The following LMF1 variants were observed in gnomAD, a reference collection of about 807,000 sequenced individuals.
The protein encoded by LMF1 is lipase maturation factor 1.
LMF1 carries 68 observed loss-of-function variants against 60.6 expected under a neutral mutation model. The observed-to-expected ratio is 1.12, with a 90% confidence interval of 0.92 to 1.37. The LOEUF (loss-of-function observed/expected upper bound fraction) is 1.37. Among genes scored for constraint, LMF1 ranks in the 40% most tolerant of loss-of-function variants. LMF1 has a pLI of 0.00. For missense variants in LMF1, 948 were observed against 767.2 expected, an observed-to-expected ratio of 1.24 and a Z score of -2.78; for synonymous variants, 418 against 324.7, an observed-to-expected ratio of 1.29 and a Z score of -3.09.
intron 2 of LMF1, among the ~76,000 whole-genome samples, chr16:948,972 C>T (rs1452183464): frequency 2.1e-5 from 2 of 97,348 alleles, no homozygotes; most frequent in Non-Finnish European, 3.8e-5. Context: ...ACGACAGAGT[C>T]AGTCAACGAC....
Position 870,016 on chromosome 16 carries a change from TTGGAGC to T in LMF1, c.1277_1282del (p.Ser426_Ser427del), listed in dbSNP as rs768517162. The T allele has an allele frequency of 1.9e-6, 3 of 1,612,772 alleles. No homozygotes were observed. The South Asian group carries it at 3.3e-5, about 18-fold the overall frequency. ...CCACATGGCATCGGGGGCGCTGGCG[TTGGAGC>T]TGGCTGTGCCCTGCAGGATCACCTC... On this transcript the variant is annotated inframe_deletion, in exon 9 of 11. Transcript: ENST00000262301.
chr16:892,970 C>G, intron 5 of LMF1, 37 bp downstream of exon 5: 1 of 1,493,770 alleles, frequency 6.7e-7, no homozygotes, highest in Non-Finnish European at 9.1e-7. Flanking sequence ...CGGCGTGAGA[C>G]CGGGTGCCCT....
chr16:862,500 T>C (rs7199168), intron 10 of LMF1, among the ~76,000 whole-genome samples: 4,037 of 152,290 alleles, frequency 0.027, 160 homozygotes, highest in African/African-American at 0.084. Flanking sequence ...GGATATTGGC[T>C]TGTAATATTA....
intron 4 of LMF1, among the ~76,000 whole-genome samples, chr16:906,130 T>C (rs1483410505): frequency 6.6e-6 from 1 of 152,244 alleles, no homozygotes; most frequent in Non-Finnish European, 1.5e-5. Context: ...AAGGCTTCTT[T>C]CTCTCAGTTG....
chr16:976,044 TG>T lies in LMF1; in HGVS notation c.-135+5100del, dbSNP rs1389915622. ...CCTCATGAACTCTGAAGGTTGAGCT[TG>T]GAAGGACGGACACAGGTCTTGGCAG... is the stretch of plus-strand genomic sequence containing the variant. On this transcript the variant is annotated intron_variant, in intron 1 of 6. Coordinates refer to the LMF1 transcript ENST00000570014. 2.2e-5 allele frequency: 6 copies of T among 274,934 alleles called. No individual in the cohort carries two copies. The Admixed American group carries it at 2.4e-4, about 11-fold the overall frequency. 17.0% of individuals were successfully genotyped at this position (274,934 alleles called of 1,614,324 possible).
intron 4 of LMF1, among the ~76,000 whole-genome samples, chr16:905,801 G>A (rs927949139): frequency 1.3e-5 from 2 of 151,838 alleles, no homozygotes; most frequent in African/African-American, 4.8e-5. Flanking sequence ...TTCTTTCAGG[G>A]TCTCACTATG....
chr16:894,644 G>A (rs181645846), intron 4 of LMF1, among the ~76,000 whole-genome samples: 1 of 152,244 alleles, frequency 6.6e-6, no homozygotes, highest in Non-Finnish European at 1.5e-5. Flanking sequence ...TGCAGGTTCG[G>A]AGGCGATGGC....
intron 8 of LMF1, among the ~76,000 whole-genome samples, chr16:870,468 A>G (rs2151700489): frequency 6.6e-6 from 1 of 152,314 alleles, no homozygotes; most frequent in East Asian, 1.9e-4. Flanking sequence ...TTACGCCCCC[A>G]GTAGGCATTC....
rs1452662223 is a variant in LMF1 at position 854,056 on chromosome 16, C to T, written c.*476G>A. Reference sequence around the variant, plus strand: ...CCCTGTGGGGCGAGGGTTTGGCTGCCCCAGACGTGACAGGGACTTGGCTCT... The same window carrying T: ...CCCTGTGGGGCGAGGGTTTGGCTGCTCCAGACGTGACAGGGACTTGGCTCT... On this transcript the variant is annotated 3_prime_UTR_variant, in exon 11 of 11. Transcript: ENST00000262301. 2.2e-6 allele frequency: 1 copy of T among 455,286 alleles called. No individual in the cohort carries two copies. Among genetic ancestry groups the T allele is most frequent in the East Asian group, 6.9e-5 (1 of 14,450 alleles). The allele number at this position is 455,286 out of a possible 1,614,324, so 28.2% of individuals were successfully genotyped here. A position where few individuals can be genotyped will look rare whatever the true frequency, so the allele number is the denominator to read the frequency against.
At chr16:873,900 C>T (rs1250506997) in intron 6 of LMF1, 2 of 152,348 alleles carry the variant, frequency 1.3e-5, no homozygotes, top group East Asian at 1.9e-4. Context: ...CAGCACGTGC[C>T]CCGAAAGGGA....
intron 5 of LMF1, chr16:883,751 A>G (rs542172818): frequency 1.3e-5 from 2 of 152,378 alleles, no homozygotes; most frequent in Non-Finnish European, 2.9e-5. Flanking sequence ...AACTCCAAGC[A>G]CAAAAAATAT....
At chr16:881,126 G>A (rs752397493) in intron 5 of LMF1, among the ~76,000 whole-genome samples, 7 of 152,222 alleles carry the variant, frequency 4.6e-5, no homozygotes, top group Non-Finnish European at 1.0e-4. Context: ...AGCGCACATA[G>A]GGGCTGTGCT....
In LMF1 at chr16:954,559, T is replaced by C. The variant is rs1158762020; in HGVS notation, c.301A>G (p.Arg101Gly). The C allele has an allele frequency of 6.2e-7, 1 of 1,613,388 alleles. No homozygotes were observed. Among genetic ancestry groups the C allele is most frequent in the Admixed American group, 1.7e-5 (1 of 60,008 alleles). Reference sequence around the variant, plus strand: ...TAGCTGAAGACTTCCCAGCTCGTCCTGTCCTGGAAGTACTGCTGGAAGTTC... The same window carrying C: ...TAGCTGAAGACTTCCCAGCTCGTCCCGTCCTGGAAGTACTGCTGGAAGTTC... ...LKNFQQYFQD[R>G]TSWEVFSYMP... The change falls in exon 2 of 11, where the codon AGG becomes GGG. Residue 101 changes from arginine to glycine, a missense_variant. Transcript: ENST00000262301.
In LMF1 at chr16:874,075, G is replaced by T. The variant is rs8045372; in HGVS notation, c.898-2734C>A. On this transcript the variant is annotated intron_variant, in intron 6 of 10. Transcript: ENST00000262301. This position sits in a 1 kb window ranked among gnomAD's most constrained non-coding sequence, Gnocchi z 4.1. ...AGGGTCTCCTTTGCCGGGTGTGGGGGGGGTATGGGAAGTTCTGGAACCAGG... is the reference window on the plus strand; with the variant it reads ...AGGGTCTCCTTTGCCGGGTGTGGGGTGGGTATGGGAAGTTCTGGAACCAGG... Among the ~76,000 whole-genome samples, 765 of 152,348 alleles carry T rather than the reference G, an allele frequency of 5.0e-3. 9 individuals are homozygous for T. The highest frequency in any genetic ancestry group is 0.018 in the African/African-American group (736 of 41,570).
chr16:906,550 C>G (rs2070976739), intron 4 of LMF1, among the ~76,000 whole-genome samples: 1 of 152,162 alleles, frequency 6.6e-6, no homozygotes, highest in African/African-American at 2.4e-5. Context: ...GGGACCGGCT[C>G]TCCTTGCTCC....
chr16:877,692 C>T (rs987672489), intron 6 of LMF1, among the ~76,000 whole-genome samples: 10 of 152,152 alleles, frequency 6.6e-5, no homozygotes, highest in African/African-American at 2.4e-4. Context: ...GGGTGGCGGG[C>T]CCTCCCTGCT....
At chr16:934,574 C>G (rs2071887047) in intron 2 of LMF1, 1 of 378,400 alleles carries the variant, frequency 2.6e-6, no homozygotes, top group South Asian at 2.6e-5. Context: ...AATGCCACGG[C>G]AAATGTCATA....
At chr16:921,078 G>A (rs908774039) in intron 3 of LMF1, 1 of 152,302 alleles carries the variant, frequency 6.6e-6, no homozygotes, top group Non-Finnish European at 1.5e-5. Context: ...AGCAGGGCGA[G>A]GACAGGACAG....
chr16:931,842 G>A (rs764865983), intron 3 of LMF1: 25 of 1,269,778 alleles, frequency 2.0e-5, no homozygotes, highest in Non-Finnish European at 2.5e-5. Flanking sequence ...GGGCTCTCAG[G>A]CGGAAAACAT....
Sources: gnomAD v4.1 joint callset for allele counts (sites outside exome capture counted in the v4.1 genomes callset) on GRCh38, gnomAD v4.1.1 for gene constraint, Gnocchi (gnomAD v3.1) non-coding constraint, MANE v1.5 for transcripts, NCBI Gene and HGNC (gene_info 2026-07-23, HGNC 2026-07-21) for gene names.